The following UNC5C variants were observed in gnomAD, a reference collection of about 807,000 sequenced individuals.
UNC5C encodes unc-5 netrin receptor C, also known as netrin receptor UNC5C.
Under a neutral mutation model 99.8 loss-of-function variants are expected in UNC5C, and 47 were observed. The ratio of observed to expected loss-of-function variants is 0.47; its 90% CI spans 0.37 to 0.60. UNC5C has a LOEUF of 0.60. Among genes scored for constraint, UNC5C ranks in the 20% least tolerant of loss-of-function variants. The probability of loss-of-function intolerance (pLI) is 0.00; values close to 1 mark genes in which losing one functional copy is unlikely to be tolerated. For missense variants in UNC5C, 1,062 were observed against 1,165.9 expected (o/e 0.91, Z 1.30); for synonymous variants, 487 against 452.2 (o/e 1.08, Z -0.98).
chr4:95,453,512 AAAC>A (rs976699549), intron 1 of UNC5C, among the ~76,000 whole-genome samples: 2 of 152,198 alleles, frequency 1.3e-5, no homozygotes, highest in African/African-American at 4.8e-5. Flanking sequence ...AAGAAAGAAA[AAAC>A]AAAAAAGAAA....
chr4:95,489,743 C>T (rs1039814975), intron 1 of UNC5C, among the ~76,000 whole-genome samples: 1 of 151,378 alleles, frequency 6.6e-6, no homozygotes, highest in Admixed American at 6.6e-5. Flanking sequence ...GAGAAGCTGA[C>T]GAATGGAATG....
intron 7 of UNC5C, among the ~76,000 whole-genome samples, chr4:95,235,893 C>T (rs573786744): frequency 1.2e-3 from 187 of 152,288 alleles, no homozygotes; most frequent in African/African-American, 4.1e-3. Context: ...GATATCATCT[C>T]ACACCAGTTA....
At chr4:95,423,930 C>G (rs889858618) in intron 1 of UNC5C, among the ~76,000 whole-genome samples, 2 of 152,104 alleles carry the variant, frequency 1.3e-5, no homozygotes, top group African/African-American at 4.8e-5. Context: ...ATTATTGTTT[C>G]TAAAATGAAT....
At chr4:95,420,414 C>A (rs889121146) in intron 1 of UNC5C, among the ~76,000 whole-genome samples, 24 of 152,072 alleles carry the variant, frequency 1.6e-4, no homozygotes, top group African/African-American at 5.8e-4. Flanking sequence ...AGAGATTTAA[C>A]AAATCTAATT....
chr4:95,444,822 C>T (rs1401975708), intron 1 of UNC5C, among the ~76,000 whole-genome samples: 1 of 152,120 alleles, frequency 6.6e-6, no homozygotes, highest in African/African-American at 2.4e-5. Context: ...TATCACCAGT[C>T]TGCAACTCCG....
At chr4:95,507,973 C>T (rs1036145193) in intron 1 of UNC5C, among the ~76,000 whole-genome samples, 2 of 152,016 alleles carry the variant, frequency 1.3e-5, no homozygotes, top group African/African-American at 4.8e-5. Context: ...CTAAACCTCA[C>T]CCTTTTCTTT....
chr4:95,199,122 G>A (rs1036207458), intron 12 of UNC5C, among the ~76,000 whole-genome samples: 2 of 152,118 alleles, frequency 1.3e-5, no homozygotes, highest in African/African-American at 4.8e-5. Flanking sequence ...AGGCCTGAAG[G>A]AGAAGGAGGC....
chr4:95,298,368 C>G (rs1157446281), intron 3 of UNC5C, among the ~76,000 whole-genome samples: 1 of 152,110 alleles, frequency 6.6e-6, no homozygotes, highest in Non-Finnish European at 1.5e-5. Flanking sequence ...CTACAGAACC[C>G]TATGCCAACT....
chr4:95,219,274 G>A lies in UNC5C; in HGVS notation c.1340C>T (p.Ala447Val). The A allele has an allele frequency of 6.2e-7, 1 of 1,614,116 alleles. No homozygotes were observed. The highest frequency in any genetic ancestry group is 8.5e-7 in the Non-Finnish European group (1 of 1,179,992). Reference protein sequence around the residue: ...AVPPDLTSAAAMYRGPVYALH... With the variant: ...AVPPDLTSAAVMYRGPVYALH... Reference sequence around the variant, plus strand: ...GGCATAGACAGGTCCTCTGTACATGGCTGCAGCTGACGTGAGGTCTGGGGG... The same window carrying A: ...GGCATAGACAGGTCCTCTGTACATGACTGCAGCTGACGTGAGGTCTGGGGG... The change falls in exon 9 of 16, where the codon GCC becomes GTC. Residue 447 changes from alanine to valine, a missense_variant. Coordinates refer to ENST00000453304, the MANE Select transcript of UNC5C (RefSeq NM_003728.4).
intron 2 of UNC5C, among the ~76,000 whole-genome samples, chr4:95,304,574 CTT>C (rs200604806): frequency 6.6e-6 from 1 of 151,984 alleles, no homozygotes; most frequent in Non-Finnish European, 1.5e-5. Flanking sequence ...CTCTCTCTCT[CTT>C]TTTTTCCCCC....
intron 1 of UNC5C, among the ~76,000 whole-genome samples, chr4:95,547,993 T>G (rs560658255): frequency 1.3e-5 from 2 of 152,232 alleles, no homozygotes; most frequent in Admixed American, 1.3e-4. Context: ...CCGGGGAGTT[T>G]CGGATTTGGT....
At chr4:95,267,949 A>AATTTTTTTTTTTTTTTTTTTTT (rs959480166) in intron 4 of UNC5C, among the ~76,000 whole-genome samples, 1 of 117,568 alleles carries the variant, frequency 8.5e-6, no homozygotes, top group African/African-American at 3.4e-5. Flanking sequence ...GAATTTTGTG[A>AATTTTTTTTTTTTTTTTTTTTT]TTTTTTTTTT....
At chr4:95,511,927 G>A (rs1044009119) in intron 1 of UNC5C, among the ~76,000 whole-genome samples, 2 of 152,142 alleles carry the variant, frequency 1.3e-5, no homozygotes, top group Non-Finnish European at 2.9e-5. Context: ...AGGGAAGAAG[G>A]TTGCTTTGTT....
chr4:95,471,092 T>C (rs573110798), intron 1 of UNC5C, among the ~76,000 whole-genome samples: 18 of 148,118 alleles, frequency 1.2e-4, no homozygotes, highest in South Asian at 6.3e-4. Flanking sequence ...AATTTAAATA[T>C]AGGAAGACTG....
chr4:95,265,300 T>C (rs200383989), intron 4 of UNC5C, among the ~76,000 whole-genome samples: 1 of 128,986 alleles, frequency 7.8e-6, no homozygotes, highest in East Asian at 3.3e-4. Context: ...AAAAAAAACA[T>C]AATAAGTGCT....
intron 10 of UNC5C, among the ~76,000 whole-genome samples, chr4:95,207,724 C>T (rs894033180): frequency 3.3e-5 from 5 of 152,132 alleles, no homozygotes; most frequent in Non-Finnish European, 2.9e-5. Flanking sequence ...GGAAGTCATT[C>T]GGCAGCACCT....
chr4:95,221,762 G>T (rs1264418694), intron 7 of UNC5C, among the ~76,000 whole-genome samples: 4 of 152,110 alleles, frequency 2.6e-5, no homozygotes, highest in East Asian at 1.9e-4. Flanking sequence ...TCACTTCTCT[G>T]TTGGGTTTTA....
At chr4:95,356,188 T>C (rs572008150) in intron 1 of UNC5C, among the ~76,000 whole-genome samples, 14 of 89,378 alleles carry the variant, frequency 1.6e-4, no homozygotes, top group Admixed American at 1.5e-3. Context: ...AGGAAGACCC[T>C]GTAGCAAAAA....
chr4:95,502,621 G>A (rs1183280937), intron 1 of UNC5C, among the ~76,000 whole-genome samples: 1 of 152,068 alleles, frequency 6.6e-6, no homozygotes, highest in Non-Finnish European at 1.5e-5. Context: ...TTTAATCTGA[G>A]CAGTTACACG....
Sources: gnomAD v4.1 joint callset for allele counts (sites outside exome capture counted in the v4.1 genomes callset) on GRCh38, gnomAD v4.1.1 for gene constraint, MANE v1.5 for transcripts, NCBI Gene and HGNC (gene_info 2026-07-23, HGNC 2026-07-21) for gene names.